FHIT: variants seen among roughly 807,000 people sequenced by gnomAD.
FHIT encodes fragile histidine triad diadenosine triphosphatase.
Under a neutral mutation model 17.9 loss-of-function variants are expected in FHIT, and 19 were observed. The observed-to-expected ratio is 1.06, with a 90% confidence interval of 0.74 to 1.56. The LOEUF (loss-of-function observed/expected upper bound fraction) is 1.56, where lower values mean the gene tolerates loss of function less well. Ranked by LOEUF, FHIT falls within the 40% of genes most tolerant of loss-of-function variation. The pLI, the probability that FHIT is intolerant of heterozygous loss-of-function variation, is 0.00. For synonymous variants in FHIT, 81 were observed against 69.7 expected, an observed-to-expected ratio of 1.16 and a Z score of -0.81; for missense variants, 248 against 189.2, an observed-to-expected ratio of 1.31 and a Z score of -1.82.
chr3:61,198,704 A>G (rs1389868245), intron 2 of FHIT, among the ~76,000 whole-genome samples: 1 of 152,148 alleles, frequency 6.6e-6, no homozygotes, highest in East Asian at 1.9e-4. Context: ...TCACTTCCAG[A>G]GGCCTCACTT....
chr3:60,477,377 G>A (rs1044420344), intron 5 of FHIT, among the ~76,000 whole-genome samples: 1 of 152,126 alleles, frequency 6.6e-6, no homozygotes, highest in Non-Finnish European at 1.5e-5. Flanking sequence ...TTTTGAGAGA[G>A]ATGCAGAGAG....
At chr3:60,071,031 G>A (rs17062072) in intron 5 of FHIT, among the ~76,000 whole-genome samples, 4,023 of 152,228 alleles carry the variant, frequency 0.026, 180 homozygotes, top group African/African-American at 0.091. Flanking sequence ...AAACTTTACC[G>A]TAGTCAGCAA....
rs150277287 is a variant in FHIT at position 60,285,573 on chromosome 3, T to C, written c.103+251287A>G. Among the ~76,000 whole-genome samples, 578 of 152,288 alleles carry C rather than the reference T, an allele frequency of 3.8e-3. 1 individual carries two copies. The highest frequency in any genetic ancestry group is 6.3e-3 in the Non-Finnish European group (429 of 68,028). On this transcript the variant is annotated intron_variant, in intron 5 of 9. Transcript: ENST00000492590. ...CTTGTTCAAACACAGATCTAGATGC[T>C]GCTGTAAAGAGATTTTTCAGGCATA...
chr3:60,305,570 T>C (rs2106729984), intron 5 of FHIT, among the ~76,000 whole-genome samples: 1 of 152,242 alleles, frequency 6.6e-6, no homozygotes, highest in South Asian at 2.1e-4. Flanking sequence ...TTCAAAACAA[T>C]GTGTTTATCT....
At chr3:59,771,855 C>T (rs1055355765) in intron 8 of FHIT, among the ~76,000 whole-genome samples, 1 of 152,138 alleles carries the variant, frequency 6.6e-6, no homozygotes, top group African/African-American at 2.4e-5. Flanking sequence ...CTGATCAAAG[C>T]TATGTATGAC....
chr3:60,136,004 T>C (rs1699800574), intron 5 of FHIT, among the ~76,000 whole-genome samples: 1 of 152,174 alleles, frequency 6.6e-6, no homozygotes, highest in Non-Finnish European at 1.5e-5. Flanking sequence ...ATATATGTAT[T>C]TGAGTAATTG....
chr3:60,170,603 GATT>G (rs1559695795), intron 5 of FHIT, among the ~76,000 whole-genome samples: 1 of 151,908 alleles, frequency 6.6e-6, no homozygotes, highest in African/African-American at 2.4e-5. Flanking sequence ...TTTTTTTAAT[GATT>G]ATTTGTTAAC....
At chr3:59,863,571 C>T (rs1202892872) in intron 8 of FHIT, among the ~76,000 whole-genome samples, 1 of 152,182 alleles carries the variant, frequency 6.6e-6, no homozygotes, top group Non-Finnish European at 1.5e-5. Flanking sequence ...AGAGACCATG[C>T]ATGATTATTC....
chr3:60,549,228 T>G (rs762692976), intron 4 of FHIT, among the ~76,000 whole-genome samples: 6 of 152,190 alleles, frequency 3.9e-5, no homozygotes, highest in Non-Finnish European at 7.3e-5. Context: ...AATAAAATCA[T>G]GTATTTGACA....
intron 5 of FHIT, among the ~76,000 whole-genome samples, chr3:60,110,823 C>G (rs971328571): frequency 1.3e-5 from 2 of 152,196 alleles, no homozygotes; most frequent in African/African-American, 4.8e-5. Context: ...TTTCTTCCCA[C>G]TTTAGGACTT....
intron 5 of FHIT, among the ~76,000 whole-genome samples, chr3:60,405,406 G>A (rs575284957): frequency 2.8e-4 from 43 of 152,226 alleles, no homozygotes; most frequent in African/African-American, 6.5e-4. Context: ...GGACTTTCCC[G>A]CCTTCTGGTA....
At chr3:60,449,314 C>T (rs1157640024) in intron 5 of FHIT, among the ~76,000 whole-genome samples, 1 of 152,102 alleles carries the variant, frequency 6.6e-6, no homozygotes, top group African/African-American at 2.4e-5. Context: ...GAGAAAGTCA[C>T]ACTGTAAGCC....
intron 4 of FHIT, among the ~76,000 whole-genome samples, chr3:60,644,028 G>A (rs537714708): frequency 2.8e-4 from 43 of 152,316 alleles, no homozygotes; most frequent in African/African-American, 1.0e-3. Context: ...CAGAGAGTTT[G>A]AGAAATCCCA....
intron 5 of FHIT, among the ~76,000 whole-genome samples, chr3:60,133,738 CT>C (rs369954379): frequency 1.7e-3 from 246 of 144,054 alleles, no homozygotes; most frequent in Non-Finnish European, 1.9e-3. Flanking sequence ...CTCCTCCTGA[CT>C]TTTTTTTTTT....
chr3:59,805,921 C>A (rs981440033), intron 8 of FHIT, among the ~76,000 whole-genome samples: 2 of 152,222 alleles, frequency 1.3e-5, no homozygotes, highest in African/African-American at 4.8e-5. Flanking sequence ...GTGGCTCATG[C>A]CTGTAATCAC....
intron 5 of FHIT, among the ~76,000 whole-genome samples, chr3:60,256,024 A>G (rs1413320555): frequency 6.6e-6 from 1 of 152,018 alleles, no homozygotes; most frequent in African/African-American, 2.4e-5. Context: ...TTATGGTGAA[A>G]CCTGGAAACC....
chr3:59,941,067 G>C (rs1706491993), intron 7 of FHIT, among the ~76,000 whole-genome samples: 3 of 152,184 alleles, frequency 2.0e-5, no homozygotes, highest in Non-Finnish European at 4.4e-5. Flanking sequence ...TGTGTTAAAT[G>C]AATGAGTTAA....
chr3:61,214,055 G>T (rs1282258419), intron 1 of FHIT, among the ~76,000 whole-genome samples: 1 of 152,046 alleles, frequency 6.6e-6, no homozygotes, highest in Admixed American at 6.6e-5. Flanking sequence ...AAGAAAGCAG[G>T]AAAGATCCAA....
At chr3:60,502,436 T>C (rs184720086) in intron 5 of FHIT, among the ~76,000 whole-genome samples, 2 of 152,286 alleles carry the variant, frequency 1.3e-5, no homozygotes, top group African/African-American at 4.8e-5. Context: ...ATAAAAATCA[T>C]TGGCTGGTCT....
Sources: gnomAD v4.1 joint callset for allele counts (sites outside exome capture counted in the v4.1 genomes callset) on GRCh38, gnomAD v4.1.1 for gene constraint, MANE v1.5 for transcripts, NCBI Gene and HGNC (gene_info 2026-07-23, HGNC 2026-07-21) for gene names.